The following WASHC4 variants were observed in gnomAD, a reference collection of about 807,000 sequenced individuals.
WASHC4 encodes WASH complex subunit 7.
A neutral mutation model predicts 166.6 loss-of-function variants in WASHC4; 86 were observed. The ratio of observed to expected loss-of-function variants is 0.52; its 90% confidence interval spans 0.43 to 0.62. The LOEUF (loss-of-function observed/expected upper bound fraction) is 0.62, where lower values mean the gene tolerates loss of function less well. Ranked by LOEUF, WASHC4 falls within the 20% of genes least tolerant of loss-of-function variation. WASHC4 has a pLI of 0.00. For missense variants in WASHC4, 1,262 were observed against 1,382.4 expected (o/e 0.91, Z 1.38); for synonymous variants, 446 against 451.6 (o/e 0.99, Z 0.16).
rs149571499 is a variant in WASHC4, at chr12:105,149,550, T to C, written c.2515-65T>C. 2.1e-4 allele frequency: 240 copies of C among 1,145,660 alleles called. 1 individual carries two copies. Among genetic ancestry groups the C allele is most frequent in the Non-Finnish European group, 2.8e-4 (225 of 798,304 alleles). 71.0% of individuals were successfully genotyped at this position (1,145,660 alleles called of 1,614,324 possible). A position where few individuals can be genotyped will look rare whatever the true frequency, so the allele number is the denominator to read the frequency against. Reference sequence around the variant, plus strand: ...GATAACTGTGATACAGTAAAATTTATTTGAATTGATTTGAATTAATTTTTA... The same window carrying C: ...GATAACTGTGATACAGTAAAATTTACTTGAATTGATTTGAATTAATTTTTA... On this transcript the variant is annotated intron_variant, in intron 24 of 32. Transcript: ENST00000332180.
rs1479157416 is a variant in WASHC4 at position 105,162,846 on chromosome 12, G to A, written c.3157+1G>A. 6.5e-7 allele frequency: 1 copy of A among 1,529,446 alleles called. No homozygotes were observed. The highest frequency in any genetic ancestry group is 1.1e-5 in the South Asian group (1 of 88,188). The allele number at this position is 1,529,446 out of a possible 1,614,324, so 94.7% of individuals were successfully genotyped here. On this transcript the variant is annotated splice_donor_variant, in intron 30 of 32. Coordinates refer to ENST00000332180, the MANE Select transcript of WASHC4 (RefSeq NM_015275.3). LOFTEE classifies it high-confidence loss of function. Reference sequence around the variant, plus strand: ...TTTACTGATGATGGCTTTGCCATGGGTAAGCTTAATGGAATTGTTTTTCCA... The same window carrying A: ...TTTACTGATGATGGCTTTGCCATGGATAAGCTTAATGGAATTGTTTTTCCA...
rs137942343 is a variant in WASHC4, at chr12:105,123,443, A to G, written c.786+1205A>G. Among the ~76,000 whole-genome samples the G allele has an allele frequency of 3.8e-3, 578 of 152,362 alleles. 3 individuals carry two copies. The highest frequency in any genetic ancestry group is 0.013 in the African/African-American group (533 of 41,578). On this transcript the variant is annotated intron_variant, in intron 10 of 32. Transcript: ENST00000332180. ...GCTGTGAACACACAGATGATAAGAA[A>G]GTGAAACAGCATTACTGCTCATATG... is the stretch of plus-strand genomic sequence containing the variant.
At chr12:105,113,341 GT>G (rs1205900112) in intron 2 of WASHC4, among the ~76,000 whole-genome samples, 1 of 151,434 alleles carries the variant, frequency 6.6e-6, no homozygotes, top group Non-Finnish European at 1.5e-5. Flanking sequence ...TATAAAATCT[GT>G]TTTTTTTCTC....
intron 14 of WASHC4, among the ~76,000 whole-genome samples, chr12:105,134,910 T>C (rs1882177684): frequency 6.6e-6 from 1 of 151,980 alleles, no homozygotes; most frequent in South Asian, 2.1e-4. Context: ...TCTCGCTCTT[T>C]TTTGGAGTAT....
chr12:105,147,418 AAT>A, intron 24 of WASHC4: 1 of 465,606 alleles, frequency 2.1e-6, no homozygotes, highest in Non-Finnish European at 3.9e-6. Context: ...TCAGCACATT[AAT>A]ATATGTGTGT....
chr12:105,143,140 C>T lies in WASHC4; in HGVS notation c.1907C>T (p.Ala636Val). The change falls in exon 20 of 33, where the codon GCT (alanine) becomes GTT (valine). Residue 636 changes from alanine to valine, a missense_variant. Physicochemically the swap from Ala to Val is moderately conservative, Grantham distance 64. Coordinates refer to ENST00000332180, the MANE Select transcript of WASHC4 (RefSeq NM_015275.3). ...DAARLHYMFS[A>V]LRDCVPAMMH... ...TTTTCTTCTTAGTACATGTTCAGTG[C>T]TTTGCGCGACTGTGTACCTGCTATG... 3 of 1,607,614 alleles carry T rather than the reference C, an allele frequency of 1.9e-6. No homozygotes were observed. The highest frequency in any genetic ancestry group is 2.6e-6 in the Non-Finnish European group (3 of 1,174,592).
chr12:105,161,989 G>T (rs937691389), intron 29 of WASHC4, among the ~76,000 whole-genome samples: 1 of 152,160 alleles, frequency 6.6e-6, no homozygotes, highest in African/African-American at 2.4e-5. Flanking sequence ...AGTCACACTA[G>T]CCTCATTTCA....
At chr12:105,113,869 A>G (rs1879921610) in intron 2 of WASHC4, among the ~76,000 whole-genome samples, 1 of 152,048 alleles carries the variant, frequency 6.6e-6, no homozygotes, top group Non-Finnish European at 1.5e-5. Context: ...TTGTGGCTGC[A>G]TAGAAAATTC....
At chr12:105,156,432 T>TA in intron 26 of WASHC4, 1 of 172,466 alleles carries the variant, frequency 5.8e-6, no homozygotes, top group East Asian at 1.6e-4. Flanking sequence ...TATTATAATT[T>TA]TAAGCTTGAC....
chr12:105,152,168 A>G (rs1166953603), intron 25 of WASHC4, among the ~76,000 whole-genome samples, 175 bp from the exon 26 acceptor site: 1 of 152,240 alleles, frequency 6.6e-6, no homozygotes, highest in Non-Finnish European at 1.5e-5. Flanking sequence ...TGTCAAAAAG[A>G]AAAAAGTTAT....
chr12:105,144,225 G>A, intron 20 of WASHC4, 62 bp from the exon 21 acceptor site: 3 of 1,380,246 alleles, frequency 2.2e-6, no homozygotes, highest in Non-Finnish European at 3.1e-6. Context: ...TAGACATGTA[G>A]GGAAACAATA....
chr12:105,140,846 G>A, intron 16 of WASHC4, 53 bp from the exon 17 acceptor site: 1 of 1,549,142 alleles, frequency 6.5e-7, no homozygotes, highest in Non-Finnish European at 8.9e-7. Context: ...TTTTTCTTCT[G>A]AGTCTTTTGT....
In WASHC4 at chr12:105,141,049, A is replaced by C. The variant is rs1040734647; in HGVS notation, c.1707+4A>C. The stretch of plus-strand genomic sequence containing the variant: ...ACTAAGTGTTGGCACACAAATGGTA[A>C]GTGTATTGCTATTACTTATGGAACA... On this transcript the variant is annotated splice_donor_region_variant and intron_variant, in intron 17 of 32. Coordinates refer to ENST00000332180, the MANE Select transcript of WASHC4 (RefSeq NM_015275.3). 6.2e-7 allele frequency: 1 copy of C among 1,614,110 alleles called. No homozygotes were observed. The highest frequency in any genetic ancestry group is 1.1e-5 in the South Asian group (1 of 91,078).
intron 15 of WASHC4, among the ~76,000 whole-genome samples, chr12:105,138,213 C>G (rs910331080): frequency 6.6e-6 from 1 of 150,606 alleles, no homozygotes; most frequent in African/African-American, 2.4e-5. Flanking sequence ...TATATTTAAA[C>G]TTTATTAAAT....
intron 3 of WASHC4, 35 bp downstream of exon 3, chr12:105,114,304 A>C (rs778141256): frequency 8.1e-6 from 13 of 1,601,488 alleles, no homozygotes; most frequent in African/African-American, 6.7e-5. Flanking sequence ...TTGTTTTAAA[A>C]ATGTTTTAGT....
chr12:105,158,793 G>T (rs931259095), intron 28 of WASHC4, among the ~76,000 whole-genome samples: 6 of 152,154 alleles, frequency 3.9e-5, no homozygotes, highest in Admixed American at 1.3e-4. Flanking sequence ...AGCATTAATG[G>T]GCTAAGTGAT....
chr12:105,142,427 T>C lies in WASHC4; in HGVS notation c.1788-26T>C, dbSNP rs1882948407. The stretch of plus-strand genomic sequence containing the variant: ...GTTTTGGGATTCTTCAGTTTTGGTG[T>C]GACTGATTACTACTTTACATTGTAG... On this transcript the variant is annotated intron_variant, in intron 18 of 32. Transcript: ENST00000332180. The C allele has an allele frequency of 2.3e-6, 3 of 1,319,824 alleles. No individual in the cohort carries two copies. In the South Asian group the frequency reaches 3.5e-5, roughly 15 times the overall value. 81.8% of individuals were successfully genotyped at this position (1,319,824 alleles called of 1,614,324 possible).
At chr12:105,141,067 A>G in intron 17 of WASHC4, 22 bp downstream of exon 17, 1 of 1,613,898 alleles carries the variant, frequency 6.2e-7, no homozygotes, top group African/African-American at 1.3e-5. Context: ...GCTATTACTT[A>G]TGGAACAGAA....
chr12:105,168,835 A>G lies in WASHC4; in HGVS notation c.*1904A>G, dbSNP rs931768005. ...ACAGGGCTTCAGTATATTCACATCT[A>G]ATAGGTTAATATGTACATTTGGATG... is the stretch of plus-strand genomic sequence containing the variant. On this transcript the variant is annotated 3_prime_UTR_variant, in exon 33 of 33. Transcript: ENST00000332180. The G allele has an allele frequency of 2.0e-5, 3 of 152,326 alleles. No individual in the cohort carries two copies. Among genetic ancestry groups the G allele is most frequent in the Non-Finnish European group, 4.4e-5 (3 of 67,984 alleles). The allele number at this position is 152,326 out of a possible 1,614,324, so 9.4% of individuals were successfully genotyped here. A position where few individuals can be genotyped will look rare whatever the true frequency, so the allele number is the denominator to read the frequency against.
Sources: gnomAD v4.1 joint callset for allele counts (sites outside exome capture counted in the v4.1 genomes callset) on GRCh38, gnomAD v4.1.1 for gene constraint, MANE v1.5 for transcripts, NCBI Gene and HGNC (gene_info 2026-07-23, HGNC 2026-07-21) for gene names.